The following FAF1 variants were observed in gnomAD, a reference collection of about 807,000 sequenced individuals.
The protein encoded by FAF1 is Fas associated factor 1.
FAF1 carries 25 observed loss-of-function variants against 92.5 expected under a neutral mutation model. The ratio of observed to expected loss-of-function variants is 0.27; its 90% CI spans 0.20 to 0.38. FAF1 has a LOEUF of 0.38. FAF1 is among the 10% of genes least tolerant of loss of function. FAF1 has a pLI of 1.00. For synonymous variants in FAF1, 234 were observed against 273.2 expected, an observed-to-expected ratio of 0.86 and a Z score of 1.42; for missense variants, 636 against 793.3, an observed-to-expected ratio of 0.80 and a Z score of 2.38.
At chr1:50,586,403 G>C (rs1160145666) in intron 9 of FAF1, among the ~76,000 whole-genome samples, 1 of 152,066 alleles carries the variant, frequency 6.6e-6, no homozygotes, top group Non-Finnish European at 1.5e-5. Flanking sequence ...TTCCAAATGA[G>C]AAAGTCAAGA....
intron 6 of FAF1, among the ~76,000 whole-genome samples, chr1:50,728,509 GGCCAGGCACAGTGGCTCAT>G (rs1355559711): frequency 2.0e-5 from 3 of 152,012 alleles, no homozygotes; most frequent in Non-Finnish European, 4.4e-5. Flanking sequence ...TAGTGGAGAG[GGCCAGGCACAGTGGCTCAT>G]GCCTGCAATT....
intron 6 of FAF1, among the ~76,000 whole-genome samples, chr1:50,714,007 G>A (rs1022695619): frequency 6.7e-6 from 1 of 149,818 alleles, no homozygotes; most frequent in African/African-American, 2.4e-5. Flanking sequence ...TCCTGACCTC[G>A]TGATCCACCC....
At chr1:50,592,147 T>C (rs1452677069) in intron 9 of FAF1, among the ~76,000 whole-genome samples, 2 of 152,130 alleles carry the variant, frequency 1.3e-5, no homozygotes, top group African/African-American at 4.8e-5. Context: ...TTGCCTCAAT[T>C]TTCTCATTAA....
intron 7 of FAF1, among the ~76,000 whole-genome samples, chr1:50,665,092 A>G (rs376815196): frequency 6.6e-6 from 1 of 152,368 alleles, no homozygotes; most frequent in South Asian, 2.1e-4. Flanking sequence ...TAAATTAATC[A>G]ATTTATAATT....
intron 9 of FAF1, among the ~76,000 whole-genome samples, chr1:50,594,509 G>A (rs1047796546): frequency 6.6e-6 from 1 of 151,462 alleles, no homozygotes; most frequent in Admixed American, 6.6e-5. Flanking sequence ...GTCAGAGTTG[G>A]GCATGAAAGT....
chr1:50,795,029 C>G (rs891234196), intron 3 of FAF1, among the ~76,000 whole-genome samples: 1 of 152,128 alleles, frequency 6.6e-6, no homozygotes, highest in African/African-American at 2.4e-5. Context: ...ATTGTTCAGT[C>G]AGCTTTTTTT....
At chr1:50,872,831 C>A (rs1414641803) in intron 1 of FAF1, among the ~76,000 whole-genome samples, 2 of 151,530 alleles carry the variant, frequency 1.3e-5, no homozygotes. Flanking sequence ...ACCTGGGAGG[C>A]GGAGTTGCAG....
intron 7 of FAF1, among the ~76,000 whole-genome samples, chr1:50,703,896 T>C (rs539128214): frequency 2.7e-4 from 41 of 152,218 alleles, no homozygotes; most frequent in Admixed American, 5.9e-4. Context: ...TGTGAGCAGA[T>C]TGCATTAACG....
chr1:50,846,652 G>A (rs1644304057), intron 2 of FAF1: 4 of 539,752 alleles, frequency 7.4e-6, no homozygotes, highest in Non-Finnish European at 1.5e-5. Context: ...ACAGAGGCGG[G>A]TATTTCCTGG....
In FAF1 at chr1:50,606,557, T is replaced by C. The variant is rs188845414; in HGVS notation, c.745-10341A>G. ...TCTTGTTGCCCAGGCTGGAGTGCAATGGCACGATCTCAGCTCACCACAACC... is the reference window on the plus strand; with the variant it reads ...TCTTGTTGCCCAGGCTGGAGTGCAACGGCACGATCTCAGCTCACCACAACC... On this transcript the variant is annotated intron_variant, in intron 8 of 18. Transcript: ENST00000396153. Among the ~76,000 whole-genome samples the C allele has an allele frequency of 4.6e-5, 6 of 129,898 alleles. No individual in the cohort carries two copies. The Admixed American group carries it at 5.5e-4, about 12-fold the overall frequency. The allele number at this position is 129,898 out of a possible 152,430, so 85.2% of individuals were successfully genotyped here.
chr1:50,682,573 G>C (rs1656471125), intron 7 of FAF1, among the ~76,000 whole-genome samples: 1 of 152,086 alleles, frequency 6.6e-6, no homozygotes, highest in Non-Finnish European at 1.5e-5. Flanking sequence ...TAAAATGATG[G>C]CAGAACTCCA....
At chr1:50,468,442 G>A (rs1488453890) in intron 18 of FAF1, among the ~76,000 whole-genome samples, 3 of 148,938 alleles carry the variant, frequency 2.0e-5, no homozygotes, top group Admixed American at 6.7e-5. Context: ...ACAGGTGCAC[G>A]CCACTACACT....
At chr1:50,833,359 A>AAAT (rs1644172193) in intron 2 of FAF1, among the ~76,000 whole-genome samples, 1 of 151,606 alleles carries the variant, frequency 6.6e-6, no homozygotes, top group Non-Finnish European at 1.5e-5. Flanking sequence ...AAAAGAACTC[A>AAAT]GGAACAGCCA....
At chr1:50,659,500 GA>G (rs1655278854) in intron 7 of FAF1, among the ~76,000 whole-genome samples, 1 of 152,182 alleles carries the variant, frequency 6.6e-6, no homozygotes, top group African/African-American at 2.4e-5. Context: ...GCTTCTGACG[GA>G]GTTTCATCTT....
chr1:50,768,863 C>T (rs1003872006), intron 4 of FAF1, among the ~76,000 whole-genome samples: 2 of 152,082 alleles, frequency 1.3e-5, no homozygotes, highest in Middle Eastern at 3.4e-3. Flanking sequence ...TCTAACATCA[C>T]ACATCACACC....
intron 1 of FAF1, among the ~76,000 whole-genome samples, chr1:50,862,630 A>G (rs1054453936): frequency 6.6e-6 from 1 of 151,916 alleles, no homozygotes; most frequent in African/African-American, 2.4e-5. Context: ...CCAACCAAAT[A>G]TCTGCTGTCT....
intron 1 of FAF1, among the ~76,000 whole-genome samples, chr1:50,890,230 C>T (rs1644707472): frequency 6.6e-6 from 1 of 152,146 alleles, no homozygotes; most frequent in African/African-American, 2.4e-5. Flanking sequence ...CTTCCTCCAT[C>T]CCTTTATTTT....
rs59187392 is a variant in FAF1, at chr1:50,692,241, CTGTGTGTGTGTG to C, written c.657+13533_657+13544del. ...ACATATCCAGCACTTGAAGTATTTACTGTGTGTGTGTGTGTGTGTGTGTGTGTGTGTGTGTGT... is the reference window on the plus strand; with the variant it reads ...ACATATCCAGCACTTGAAGTATTTACTGTGTGTGTGTGTGTGTGTGTGTGT... On this transcript the variant is annotated intron_variant, in intron 7 of 18. Transcript: ENST00000396153. Among the ~76,000 whole-genome samples the C allele has an allele frequency of 2.6e-3, 332 of 129,080 alleles. 1 individual carries two copies. The highest frequency in any genetic ancestry group is 6.3e-3 in the African/African-American group (219 of 34,700). The allele number at this position is 129,080 out of a possible 152,430, so 84.7% of individuals were successfully genotyped here. A position where few individuals can be genotyped will look rare whatever the true frequency, so the allele number is the denominator to read the frequency against.
At chr1:50,499,579 A>G (rs1427629674) in intron 15 of FAF1, among the ~76,000 whole-genome samples, 1 of 152,188 alleles carries the variant, frequency 6.6e-6, no homozygotes, top group African/African-American at 2.4e-5. Context: ...TACAATGAAA[A>G]GGAAGTAGAA....
Sources: gnomAD v4.1 joint callset for allele counts (sites outside exome capture counted in the v4.1 genomes callset) on GRCh38, gnomAD v4.1.1 for gene constraint, MANE v1.5 for transcripts, NCBI Gene and HGNC (gene_info 2026-07-23, HGNC 2026-07-21) for gene names.